EYA1: variants seen among roughly 807,000 people sequenced by gnomAD.
The protein encoded by EYA1 is protein phosphatase EYA1.
Under a neutral mutation model 82.0 loss-of-function variants are expected in EYA1, and 16 were observed. The observed-to-expected ratio is 0.20, with a 90% CI of 0.13 to 0.30. EYA1 has a LOEUF of 0.30. EYA1 is among the 10% of genes least tolerant of loss of function. The pLI is 1.00. For missense variants in EYA1, 633 were observed against 730.7 expected (o/e 0.87, Z 1.54); for synonymous variants, 261 against 264.4 (o/e 0.99, Z 0.12).
rs369129693 is a variant in EYA1, at chr8:71,461,292, G to A, written c.33+74452C>T. ...GGCAAGGGGGAGTCATGCATGGAGC[G>A]GCAAGGGGTGTGTTAGTGAGCGTGG... On this transcript the variant is annotated intron_variant, in intron 2 of 18. Transcript: ENST00000643681. Among the ~76,000 whole-genome samples, 38 of 152,126 alleles carry A rather than the reference G, an allele frequency of 2.5e-4. 1 individual carries two copies. The highest frequency in any genetic ancestry group is 1.6e-3 in the Admixed American group (25 of 15,282).
intron 12 of EYA1, among the ~76,000 whole-genome samples, chr8:71,223,211 G>A (rs947302633): frequency 2.6e-5 from 4 of 152,112 alleles, no homozygotes; most frequent in Non-Finnish European, 5.9e-5. Context: ...CCAGGAAAAC[G>A]GATTAGGCCA....
intron 1 of EYA1, among the ~76,000 whole-genome samples, chr8:71,360,481 A>T (rs1209517852): frequency 1.3e-5 from 2 of 152,210 alleles, no homozygotes; most frequent in African/African-American, 4.8e-5. Context: ...TCTAAAACTG[A>T]ACAGTGGCTC....
intron 12 of EYA1, among the ~76,000 whole-genome samples, chr8:71,232,683 C>T (rs1003166827): frequency 2.1e-5 from 3 of 144,070 alleles, no homozygotes; most frequent in Non-Finnish European, 4.6e-5. Flanking sequence ...TTTTTCTTTT[C>T]TTTTTTTTTT....
intron 2 of EYA1, among the ~76,000 whole-genome samples, chr8:71,370,818 T>A (rs1828037215): frequency 6.6e-6 from 1 of 151,672 alleles, no homozygotes; most frequent in African/African-American, 2.4e-5. Flanking sequence ...ACAGACGAGG[T>A]CTCACTCTGT....
chr8:71,501,808 T>C (rs1811827820), intron 2 of EYA1, among the ~76,000 whole-genome samples: 1 of 152,242 alleles, frequency 6.6e-6, no homozygotes, highest in Non-Finnish European at 1.5e-5. Flanking sequence ...AATGGCAAAT[T>C]ACACTTAACT....
intron 2 of EYA1, among the ~76,000 whole-genome samples, chr8:71,419,691 G>A (rs1831040191): frequency 6.6e-6 from 1 of 151,662 alleles, no homozygotes; most frequent in African/African-American, 2.4e-5. Flanking sequence ...TTTTAAATTA[G>A]CATTTAGATA....
intron 2 of EYA1, among the ~76,000 whole-genome samples, chr8:71,385,826 G>T (rs547718488): frequency 5.3e-5 from 8 of 152,092 alleles, no homozygotes; most frequent in Non-Finnish European, 4.4e-5. Flanking sequence ...ATATCTAGTT[G>T]GTGATACTTA....
intron 2 of EYA1, among the ~76,000 whole-genome samples, chr8:71,513,517 T>C (rs1304854438): frequency 6.6e-6 from 1 of 152,130 alleles, no homozygotes; most frequent in Non-Finnish European, 1.5e-5. Context: ...ACATGATGTG[T>C]TTTGATACAG....
chr8:71,488,915 T>C (rs1322865283), intron 2 of EYA1, among the ~76,000 whole-genome samples: 2 of 152,218 alleles, frequency 1.3e-5, no homozygotes, highest in South Asian at 4.1e-4. Flanking sequence ...CATTAGAAAT[T>C]AGGCTTTAGA....
chr8:71,267,696 CT>C (rs1198160409), intron 11 of EYA1, among the ~76,000 whole-genome samples: 2 of 152,054 alleles, frequency 1.3e-5, no homozygotes, highest in African/African-American at 2.4e-5. Flanking sequence ...CTACAGGCAC[CT>C]GCCACCACGC....
upstream of EYA1, among the ~76,000 whole-genome samples, chr8:71,363,030 G>A (rs955907057): frequency 2.0e-5 from 3 of 152,034 alleles, no homozygotes; most frequent in Non-Finnish European, 2.9e-5. Flanking sequence ...CTAGTCACTC[G>A]TTGTAACCAA....
intron 11 of EYA1, among the ~76,000 whole-genome samples, chr8:71,259,965 C>T (rs1298577990): frequency 1.3e-5 from 2 of 152,092 alleles, no homozygotes; most frequent in African/African-American, 4.8e-5. Context: ...CTGATGTCAT[C>T]TAAGAATAAG....
chr8:71,507,527 C>G (rs923998099), intron 2 of EYA1, among the ~76,000 whole-genome samples: 2 of 152,298 alleles, frequency 1.3e-5, no homozygotes, highest in African/African-American at 4.8e-5. Context: ...CCTAGGAATT[C>G]ATCCCACACA....
intron 9 of EYA1, among the ~76,000 whole-genome samples, chr8:71,290,794 C>T (rs1445512557): frequency 1.3e-5 from 2 of 148,310 alleles, no homozygotes; most frequent in South Asian, 2.1e-4. Flanking sequence ...ACTATATATC[C>T]TCTGGGAAAA....
intron 2 of EYA1, among the ~76,000 whole-genome samples, chr8:71,401,446 T>G (rs1162350568): frequency 6.6e-6 from 1 of 152,248 alleles, no homozygotes; most frequent in Non-Finnish European, 1.5e-5. Context: ...TTCTCATTAC[T>G]GCAAGTAAAT....
intron 12 of EYA1, among the ~76,000 whole-genome samples, chr8:71,233,591 A>C (rs1182627313): frequency 6.6e-6 from 1 of 151,926 alleles, no homozygotes; most frequent in African/African-American, 2.4e-5. Flanking sequence ...AAAAAAAAGA[A>C]AGCCTTTGTT....
At chr8:71,512,325 G>A (rs1057132123) in intron 2 of EYA1, among the ~76,000 whole-genome samples, 4 of 151,736 alleles carry the variant, frequency 2.6e-5, no homozygotes, top group Non-Finnish European at 5.9e-5. Context: ...TATGCAAGAA[G>A]GTGGAGAAAA....
rs1011507731 is a variant in EYA1, at chr8:71,277,580, T to C, written c.827-5683A>G. Reference sequence around the variant, plus strand: ...GTCCCTTCTTTGTAATTATGTACTCTTATCTCTATTATAGGATTATAACAT... The same window carrying C: ...GTCCCTTCTTTGTAATTATGTACTCCTATCTCTATTATAGGATTATAACAT... On this transcript the variant is annotated intron_variant, in intron 9 of 17. Coordinates refer to ENST00000340726, the MANE Select transcript of EYA1 (RefSeq NM_000503.6). Among the ~76,000 whole-genome samples, 3 of 152,238 alleles carry C rather than the reference T, an allele frequency of 2.0e-5. No homozygotes were observed. In the South Asian group the frequency reaches 6.2e-4, roughly 31 times the overall value.
chr8:71,313,309 T>C (rs1053864968), intron 7 of EYA1, among the ~76,000 whole-genome samples: 4 of 152,200 alleles, frequency 2.6e-5, no homozygotes, highest in Admixed American at 1.3e-4. Context: ...TATTTGGTTA[T>C]TGGTTTCTTA....
Sources: gnomAD v4.1 joint callset for allele counts (sites outside exome capture counted in the v4.1 genomes callset) on GRCh38, gnomAD v4.1.1 for gene constraint, MANE v1.5 for transcripts, NCBI Gene and HGNC (gene_info 2026-07-23, HGNC 2026-07-21) for gene names.